Variants in GAN observed in about 807,000 individuals in gnomAD.
GAN encodes the protein gigaxonin.
A neutral mutation model predicts 71.3 loss-of-function variants in GAN; 48 were observed. The observed-to-expected ratio is 0.67, with a 90% CI of 0.53 to 0.86. The LOEUF (loss-of-function observed/expected upper bound fraction) is 0.86, where lower values mean the gene tolerates loss of function less well. GAN is among the 40% of genes least tolerant of loss of function. The pLI, the probability that GAN is intolerant of heterozygous loss-of-function variation, is 0.00. For synonymous variants in GAN, 386 were observed against 276.8 expected (o/e 1.39, Z -3.92); for missense variants, 928 against 770.1 (o/e 1.21, Z -2.43).
In GAN at chr16:81,362,073, G is replaced by C. The variant is rs550815276; in HGVS notation, c.974-426G>C. Among the ~76,000 whole-genome samples the C allele has an allele frequency of 1.2e-4, 19 of 152,304 alleles. No individual in the cohort carries two copies. The South Asian group carries it at 3.7e-3, about 30-fold the overall frequency. On this transcript the variant is annotated intron_variant, in intron 5 of 10. Transcript: ENST00000648994. Reference sequence around the variant, plus strand: ...GAAATCGGAAGTTCAGTTGCTCTTAGATCCTGTTTTGAATAGAAAGTGCAC... The same window carrying C: ...GAAATCGGAAGTTCAGTTGCTCTTACATCCTGTTTTGAATAGAAAGTGCAC...
Position 81,387,787 on chromosome 16 carries a change from G to A in GAN, c.*10191G>A, listed in dbSNP as rs554099587. ...GCCAGGATTGTGCCACTGTACTCCA[G>A]CCTGGGCGACAGAGGGGGACTCTGT... On this transcript the variant is annotated 3_prime_UTR_variant, in exon 11 of 11. Coordinates refer to ENST00000648994, the MANE Select transcript of GAN (RefSeq NM_022041.4). 4 of 152,184 alleles carry A rather than the reference G, an allele frequency of 2.6e-5. No individual in the cohort carries two copies. The highest frequency in any genetic ancestry group is 9.6e-5 in the African/African-American group (4 of 41,502). The allele number at this position is 152,184 out of a possible 1,614,324, so 9.4% of individuals were successfully genotyped here. A position where few individuals can be genotyped will look rare whatever the true frequency, so the allele number is the denominator to read the frequency against.
rs1026478743 is a variant in GAN, at chr16:81,381,495, C to A, written c.*3899C>A. The stretch of plus-strand genomic sequence containing the variant: ...TTTTCCACTGGCTGCTCACTGAGCA[C>A]TGGAGTCCAGGAAGTCAGTGAGAAG... On this transcript the variant is annotated 3_prime_UTR_variant, in exon 11 of 11. Transcript: ENST00000648994. The A allele has an allele frequency of 6.6e-6, 1 of 152,228 alleles. No individual in the cohort carries two copies. The highest frequency in any genetic ancestry group is 1.5e-5 in the Non-Finnish European group (1 of 68,056). The allele number at this position is 152,228 out of a possible 1,614,324, so 9.4% of individuals were successfully genotyped here.
intron 9 of GAN, among the ~76,000 whole-genome samples, chr16:81,367,262 G>C (rs1267773722): frequency 6.6e-6 from 1 of 152,150 alleles, no homozygotes; most frequent in East Asian, 1.9e-4. Context: ...CTGGCTCCAG[G>C]CTATAATCCC....
intron 9 of GAN, among the ~76,000 whole-genome samples, chr16:81,375,281 A>G (rs1172190707): frequency 6.6e-6 from 1 of 150,726 alleles, no homozygotes; most frequent in African/African-American, 2.5e-5. Flanking sequence ...AGTAAACCCA[A>G]TTAAAAAAAA....
intron 1 of GAN, among the ~76,000 whole-genome samples, chr16:81,318,139 T>C (rs1280392476): frequency 2.6e-5 from 4 of 152,230 alleles, no homozygotes; most frequent in African/African-American, 9.6e-5. Context: ...AATAGCACTT[T>C]AGAGAATTAT....
At position 81,365,067 on chromosome 16, in the gene GAN, A is replaced by C. The variant is rs2150691667; in HGVS notation, c.1330A>C (p.Arg444=). ...TGAGTCTGTAGAGTGTTATGATCCC[A>C]GGACCCAGCAGTGGACTGCCATATG... ...LFESVECYDP[R]TQQWTAICPL... The change falls in exon 8 of 11, where the codon AGG becomes CGG. Residue 444 remains arginine, a synonymous_variant. Coordinates refer to ENST00000648994, the MANE Select transcript of GAN (RefSeq NM_022041.4). The C allele has an allele frequency of 1.2e-6, 2 of 1,613,930 alleles. No homozygotes were observed. The highest frequency in any genetic ancestry group is 1.7e-6 in the Non-Finnish European group (2 of 1,179,792).
chr16:81,350,428 G>A (rs924591050), intron 1 of GAN, among the ~76,000 whole-genome samples: 5 of 152,110 alleles, frequency 3.3e-5, no homozygotes, highest in East Asian at 1.9e-4. Context: ...TGTAAACAGC[G>A]CCACCTACTA....
chr16:81,326,870 A>G (rs927065320), intron 1 of GAN, among the ~76,000 whole-genome samples: 1 of 152,358 alleles, frequency 6.6e-6, no homozygotes, highest in African/African-American at 2.4e-5. Flanking sequence ...ACTGTCCATC[A>G]CGGACTGAAA....
At chr16:81,349,285 T>A (rs1910221622) in intron 1 of GAN, among the ~76,000 whole-genome samples, 1 of 152,102 alleles carries the variant, frequency 6.6e-6, no homozygotes, top group South Asian at 2.1e-4. Context: ...TCGGCTTTGC[T>A]TACTGCTAAA....
chr16:81,315,181 T>C lies in GAN; in HGVS notation c.68T>C (p.Phe23Ser). 1 of 1,571,704 alleles carries C rather than the reference T, an allele frequency of 6.4e-7. No homozygotes were observed. Reference sequence around the variant, plus strand: ...CGTCTGCTGCGAGCGCTCAGCTCTTTCCGCGAGGAGTCTCGCTTCTGCGAC... The same window carrying C: ...CGTCTGCTGCGAGCGCTCAGCTCTTCCCGCGAGGAGTCTCGCTTCTGCGAC... ...AARLLRALSS[F>S]REESRFCDAH... The change falls in exon 1 of 11, where the codon TTC (phenylalanine) becomes TCC (serine). Residue 23 changes from phenylalanine (F) to serine (S), a missense_variant. Transcript: ENST00000648994.
At chr16:81,333,460 A>ACTT (rs1241101243) in intron 1 of GAN, among the ~76,000 whole-genome samples, 2 of 152,200 alleles carry the variant, frequency 1.3e-5, no homozygotes, top group African/African-American at 2.4e-5. Context: ...AGGTGGGTAG[A>ACTT]AAATAGTACC....
chr16:81,358,342 T>C (rs760875857), intron 5 of GAN, among the ~76,000 whole-genome samples: 14 of 152,152 alleles, frequency 9.2e-5, no homozygotes, highest in Non-Finnish European at 1.6e-4. Flanking sequence ...AGGCCGAGTG[T>C]GGTGGCTCAC....
At chr16:81,364,833 C>T (rs553169612) in intron 7 of GAN, 141 bp from the exon 8 acceptor site, 3 of 831,828 alleles carry the variant, frequency 3.6e-6, no homozygotes, top group Non-Finnish European at 6.2e-6. Flanking sequence ...TGTTGTAATA[C>T]TGAAAAGCAC....
chr16:81,364,066 A>G (rs576648862), intron 7 of GAN, 123 bp downstream of exon 7: 4 of 841,030 alleles, frequency 4.8e-6, no homozygotes, highest in Admixed American at 1.8e-5. Context: ...ACTTTATAGA[A>G]CTCTCTTTAT....
chr16:81,364,024 C>A, intron 7 of GAN, 81 bp downstream of exon 7: 2 of 1,052,594 alleles, frequency 1.9e-6, no homozygotes, highest in Non-Finnish European at 1.5e-6. Flanking sequence ...CTGAATAAAC[C>A]TTTAATATAA....
At chr16:81,358,548 G>A (rs1051018674) in intron 5 of GAN, among the ~76,000 whole-genome samples, 2 of 151,896 alleles carry the variant, frequency 1.3e-5, no homozygotes. Context: ...GATCGAGACT[G>A]CTGTGAGCCA....
intron 1 of GAN, among the ~76,000 whole-genome samples, chr16:81,350,339 C>G (rs2150683148): frequency 6.6e-6 from 1 of 152,196 alleles, no homozygotes; most frequent in South Asian, 2.1e-4. Flanking sequence ...ATTGACAAAA[C>G]TTAAGAAGTG....
At chr16:81,367,780 G>T (rs1185626436) in intron 9 of GAN, among the ~76,000 whole-genome samples, 1 of 152,154 alleles carries the variant, frequency 6.6e-6, no homozygotes, top group African/African-American at 2.4e-5. Context: ...AGGGTGAGCG[G>T]TGTGCCCACA....
At position 81,356,898 on chromosome 16, in the gene GAN, C is replaced by G. The variant is rs1402851980; in HGVS notation, c.747C>G (p.Ser249Arg). The change falls in exon 4 of 11, where the codon AGC (serine) becomes AGG (arginine). Residue 249 changes from serine to arginine, a missense_variant. By Grantham distance (110) the Ser-to-Arg change is moderately radical. Coordinates refer to ENST00000648994, the MANE Select transcript of GAN (RefSeq NM_022041.4). Reference sequence around the variant, plus strand: ...TACGAGAAATTGTCAAAGAGTGTAGCAATATACCGCTCAGCCAGCCGCAGC... The same window carrying G: ...TACGAGAAATTGTCAAAGAGTGTAGGAATATACCGCTCAGCCAGCCGCAGC... ...PLVREIVKEC[S>R]NIPLSQPQQG... The G allele has an allele frequency of 1.9e-6, 3 of 1,613,672 alleles. No homozygotes were observed. The highest frequency in any genetic ancestry group is 3.3e-5 in the Admixed American group (2 of 60,004).
Sources: allele counts gnomAD v4.1 joint callset (sites outside exome capture counted in the v4.1 genomes callset), GRCh38; gene constraint gnomAD v4.1.1; transcripts MANE v1.5; gene names NCBI Gene and HGNC (gene_info 2026-07-23, HGNC 2026-07-21).